NDUFAF7: variants seen among roughly 807,000 people sequenced by gnomAD.
The protein encoded by NDUFAF7 is NADH:ubiquinone oxidoreductase complex assembly factor 7.
In NDUFAF7, 48 loss-of-function variants were observed where a neutral mutation model predicts 47.2. The ratio of observed to expected loss-of-function variants is 1.02; its 90% confidence interval spans 0.81 to 1.29. NDUFAF7 has a LOEUF of 1.29. NDUFAF7 is among the 50% of genes most tolerant of loss of function. NDUFAF7 has a pLI of 0.00. For synonymous variants in NDUFAF7, 217 were observed against 190.0 expected (o/e 1.14, Z -1.17); for missense variants, 635 against 537.6 (o/e 1.18, Z -1.79).
At chr2:37,261,936 T>A in the NDUFAF7 span, among the ~76,000 whole-genome samples, 1 of 152,222 alleles carries the variant, frequency 6.6e-6, no homozygotes, top group Non-Finnish European at 1.5e-5. Flanking sequence ...ATTCATAAAT[T>A]ACATAAGATA....
chr2:37,257,666 CAAAAGAAAAAAAA>C (rs1487821828), downstream of NDUFAF7, among the ~76,000 whole-genome samples: 4 of 62,400 alleles, frequency 6.4e-5, no homozygotes, highest in Non-Finnish European at 1.2e-4. Context: ...GACTCTGTCT[CAAAAGAAAAAAAA>C]AAAAAAAAAA....
At chr2:37,265,074 G>T in the NDUFAF7 span, among the ~76,000 whole-genome samples, 1 of 152,164 alleles carries the variant, frequency 6.6e-6, no homozygotes, top group Admixed American at 6.5e-5. Context: ...AGCTATGGAC[G>T]CCTCTAGGGA....
At chr2:37,232,592 A>G (rs2714474) in intron 2 of NDUFAF7, among the ~76,000 whole-genome samples, 135,407 of 152,170 alleles carry the variant, frequency 0.89, 60,631 homozygotes, top group East Asian at 1. Flanking sequence ...GAGAAGGAAT[A>G]CGGGAGGAAG....
Position 37,245,383 on chromosome 2 carries a change from T to C in NDUFAF7, c.793-669T>C, listed in dbSNP as rs79105004. ...GGAAGTAGTGAAATTTCATATATAC[T>C]AGTCAGGTTGACAAGTGTTAATACT... On this transcript the variant is annotated intron_variant, in intron 7 of 9. Coordinates refer to ENST00000002125, the MANE Select transcript of NDUFAF7 (RefSeq NM_144736.5). Among the ~76,000 whole-genome samples the C allele has an allele frequency of 9.4e-3, 1,437 of 152,366 alleles. 29 individuals carry two copies. Among genetic ancestry groups the C allele is most frequent in the African/African-American group, 0.032 (1,341 of 41,582 alleles).
intron 3 of NDUFAF7, 151 bp downstream of exon 3, chr2:37,236,327 G>A: frequency 1.4e-6 from 1 of 700,502 alleles, no homozygotes; most frequent in Non-Finnish European, 2.5e-6. Context: ...GGAATAGAGA[G>A]GCAGTAGAGG....
At chr2:37,251,663 A>G (rs889545903), downstream of NDUFAF7, 3 of 151,784 alleles carry the variant, frequency 2.0e-5, no homozygotes, top group African/African-American at 2.4e-5. Flanking sequence ...GATAGTTAAC[A>G]CTTTCCTAGT....
chr2:37,242,183 A>G, intron 5 of NDUFAF7: 2 of 257,662 alleles, frequency 7.8e-6, no homozygotes, highest in South Asian at 1.0e-4. Context: ...AAGACAAGCA[A>G]GGTGTGGGGG....
chr2:37,233,019 G>C lies in NDUFAF7; in HGVS notation c.216+753G>C, dbSNP rs35172721. On this transcript the variant is annotated intron_variant, in intron 2 of 9. Coordinates refer to ENST00000002125, the MANE Select transcript of NDUFAF7 (RefSeq NM_144736.5). ...TACCCAAGGCCGGTATCTTTCTTTC[G>C]ATGCCGGTTAGGCAGGGCTGCAAGA... Among the ~76,000 whole-genome samples the C allele has an allele frequency of 6.4e-3, 982 of 152,264 alleles. 4 individuals carry two copies. The highest frequency in any genetic ancestry group is 0.01 in the Middle Eastern group (3 of 294).
chr2:37,242,484 G>A (rs1322687668), intron 5 of NDUFAF7, 151 bp from the exon 6 acceptor site: 3 of 641,496 alleles, frequency 4.7e-6, no homozygotes, highest in African/African-American at 1.8e-5. Flanking sequence ...ATTGTTCTAT[G>A]TTCTGCAGTG....
In NDUFAF7 at chr2:37,248,180, C is replaced by T. The variant is rs146007545; in HGVS notation, c.1156C>T (p.Leu386Phe). 1.9e-6 allele frequency: 3 copies of T among 1,613,896 alleles called. No individual in the cohort carries two copies. The African/African-American group carries it at 4.0e-5, about 22-fold the overall frequency. ...SNEPSVRQQL[L>F]QGYDMLMNPK... The stretch of plus-strand genomic sequence containing the variant: ...TGAGCCATCAGTGAGGCAGCAGTTA[C>T]TTCAAGGATATGATATGTTAATGAA... The change falls in exon 10 of 10, where the codon CTT becomes TTT. Residue 386 changes from leucine to phenylalanine, a missense_variant. Transcript: ENST00000002125.
intron 8 of NDUFAF7, 46 bp downstream of exon 8, chr2:37,246,241 A>C: frequency 1.9e-6 from 3 of 1,603,626 alleles, no homozygotes; most frequent in Non-Finnish European, 2.6e-6. Context: ...TCAGTGTTAG[A>C]TCTGAAGCCC....
downstream of NDUFAF7, among the ~76,000 whole-genome samples, chr2:37,256,085 G>C (rs773862256): frequency 6.6e-6 from 1 of 152,092 alleles, no homozygotes; most frequent in African/African-American, 2.4e-5. Context: ...TAGAGGAGTA[G>C]TCAGGGAACT....
chr2:37,260,866 G>A, the NDUFAF7 span, among the ~76,000 whole-genome samples: 1 of 151,650 alleles, frequency 6.6e-6, no homozygotes, highest in African/African-American at 2.4e-5. Context: ...CTTTTTTTAG[G>A]CTCAACATCT....
chr2:37,261,588 C>A, the NDUFAF7 span, among the ~76,000 whole-genome samples: 1 of 151,894 alleles, frequency 6.6e-6, no homozygotes, highest in African/African-American at 2.4e-5. Context: ...CGAGACCAGC[C>A]TGACCAACAT....
Position 37,246,066 on chromosome 2 carries a change from G to A in NDUFAF7, c.807G>A (p.Arg269=), listed in dbSNP as rs747070928. The change falls in exon 8 of 10, where the codon AGG becomes AGA. Residue 269 remains arginine, a synonymous_variant. Coordinates refer to ENST00000002125, the MANE Select transcript of NDUFAF7 (RefSeq NM_144736.5). ...AEAFIQHDET[R]DHVEVCPDAG... is the part of the protein sequence containing the mutation. ...CCCTTTACTAGCATGACGAAACAAG[G>A]GATCATGTTGAAGTGTGTCCTGATG... is the stretch of plus-strand genomic sequence containing the variant. 1 of 1,613,692 alleles carries A rather than the reference G, an allele frequency of 6.2e-7. No homozygotes were observed. Among genetic ancestry groups the A allele is most frequent in the African/African-American group, 1.3e-5 (1 of 74,888 alleles).
intron 4 of NDUFAF7, 89 bp from the exon 5 acceptor site, chr2:37,241,474 AATATTACCTCTATTG>A: frequency 1.0e-6 from 1 of 981,140 alleles, no homozygotes. Flanking sequence ...ATCTCTCTGA[AATATTACCTCTATTG>A]TGACATGACT....
At chr2:37,245,837 CTT>C (rs1203353533) in intron 7 of NDUFAF7, among the ~76,000 whole-genome samples, 3 of 152,076 alleles carry the variant, frequency 2.0e-5, no homozygotes, top group Non-Finnish European at 4.4e-5. Flanking sequence ...ATTAAAATGT[CTT>C]TGTATATCAA....
intron 2 of NDUFAF7, among the ~76,000 whole-genome samples, chr2:37,233,127 G>GA (rs1665361757): frequency 6.6e-6 from 1 of 152,214 alleles, no homozygotes; most frequent in African/African-American, 2.4e-5. Context: ...CCGATGGATT[G>GA]AGTGATGGAA....
intron 1 of NDUFAF7, 138 bp downstream of exon 1, chr2:37,231,898 G>C (rs922480231): frequency 1.8e-5 from 29 of 1,583,746 alleles, no homozygotes; most frequent in Non-Finnish European, 2.5e-5. Flanking sequence ...GGCTGGAAAC[G>C]GGTCCGGTAC....
Sources: allele counts gnomAD v4.1 joint callset (sites outside exome capture counted in the v4.1 genomes callset), GRCh38; gene constraint gnomAD v4.1.1; transcripts MANE v1.5; gene names NCBI Gene and HGNC (gene_info 2026-07-23, HGNC 2026-07-21).